Variants in TCERG1L observed in about 807,000 individuals in gnomAD.
TCERG1L encodes the protein transcription elongation regulator 1 like.
In TCERG1L, 37 loss-of-function variants were observed where a neutral mutation model predicts 56.3. The observed-to-expected ratio is 0.66, with a 90% CI of 0.51 to 0.87. TCERG1L has a LOEUF of 0.87. Among genes scored for constraint, TCERG1L ranks in the 40% least tolerant of loss-of-function variants. The probability of loss-of-function intolerance (pLI) is 0.00; values close to 1 mark genes in which losing one functional copy is unlikely to be tolerated. For synonymous variants in TCERG1L, 324 were observed against 326.3 expected, an observed-to-expected ratio of 0.99 and a Z score of 0.08; for missense variants, 799 against 774.2, an observed-to-expected ratio of 1.03 and a Z score of -0.38.
chr10:131,226,591 C>T (rs1027949735), intron 4 of TCERG1L, among the ~76,000 whole-genome samples: 1 of 152,202 alleles, frequency 6.6e-6, no homozygotes, highest in Non-Finnish European at 1.5e-5. Context: ...GCAGCACAGT[C>T]TTAATAAGCC....
At chr10:131,146,238 T>G (rs1845792747) in intron 7 of TCERG1L, among the ~76,000 whole-genome samples, 1 of 152,164 alleles carries the variant, frequency 6.6e-6, no homozygotes, top group Non-Finnish European at 1.5e-5. Flanking sequence ...ATGGAAGCTT[T>G]GAGGGGCGGA....
intron 4 of TCERG1L, among the ~76,000 whole-genome samples, chr10:131,211,163 C>A (rs549243011): frequency 6.6e-6 from 1 of 152,180 alleles, no homozygotes; most frequent in African/African-American, 2.4e-5. Flanking sequence ...ACGGTCAGGG[C>A]CGTATGGCTC....
intron 3 of TCERG1L, among the ~76,000 whole-genome samples, chr10:131,305,972 T>C (rs1369193461): frequency 2.0e-5 from 3 of 152,172 alleles, no homozygotes; most frequent in Admixed American, 1.3e-4. Context: ...TAATAGGATA[T>C]GAAAACTTAA....
chr10:131,200,691 C>A (rs1368298577), intron 4 of TCERG1L, among the ~76,000 whole-genome samples: 1 of 152,160 alleles, frequency 6.6e-6, no homozygotes, highest in Non-Finnish European at 1.5e-5. Flanking sequence ...GATGCTAGAA[C>A]AAGTTAAAAC....
chr10:131,227,555 G>C (rs1396922588), intron 4 of TCERG1L, among the ~76,000 whole-genome samples: 1 of 152,212 alleles, frequency 6.6e-6, no homozygotes, highest in Admixed American at 6.5e-5. Context: ...GTCCCACTCA[G>C]ATCCCGGAAA....
At chr10:131,129,146 G>A (rs555492790) in intron 8 of TCERG1L, among the ~76,000 whole-genome samples, 1 of 152,050 alleles carries the variant, frequency 6.6e-6, no homozygotes, top group East Asian at 1.9e-4. Flanking sequence ...GCTTAGGAGA[G>A]AGAAGCAGAG....
chr10:131,296,134 A>G (rs1846687432), intron 3 of TCERG1L, among the ~76,000 whole-genome samples: 1 of 152,178 alleles, frequency 6.6e-6, no homozygotes, highest in South Asian at 2.1e-4. Context: ...CAAGTCATCA[A>G]TGCATTTTCT....
rs757831644 is a variant in TCERG1L, at chr10:131,093,321, G to A, written c.1605-3C>T. The stretch of plus-strand genomic sequence containing the variant: ...CTGCAAACTCCTTAAACGTGGTCCT[G>A]AAAAAGAAAGAGTTTCCTGAGACAC... On this transcript the variant is annotated splice_polypyrimidine_tract_variant and splice_region_variant and intron_variant, in intron 11 of 11. Coordinates refer to ENST00000368642, the MANE Select transcript of TCERG1L (RefSeq NM_174937.4). The A allele has an allele frequency of 6.2e-7, 1 of 1,611,008 alleles. No individual in the cohort carries two copies. Among genetic ancestry groups the A allele is most frequent in the East Asian group, 2.2e-5 (1 of 44,872 alleles).
chr10:131,231,712 C>T (rs541223042), intron 4 of TCERG1L, among the ~76,000 whole-genome samples: 4 of 152,258 alleles, frequency 2.6e-5, no homozygotes, highest in African/African-American at 9.6e-5. Flanking sequence ...CCAATGAGGC[C>T]GGCACGTGGG....
At chr10:131,265,070 A>AT (rs751581529) in intron 3 of TCERG1L, among the ~76,000 whole-genome samples, 25 of 151,906 alleles carry the variant, frequency 1.6e-4, no homozygotes, top group South Asian at 2.1e-4. Flanking sequence ...CACCGAGTCC[A>AT]TTTTTTTTAA....
At chr10:131,102,372 G>C (rs1294328937) in intron 10 of TCERG1L, among the ~76,000 whole-genome samples, 1 of 152,182 alleles carries the variant, frequency 6.6e-6, no homozygotes, top group African/African-American at 2.4e-5. Flanking sequence ...CTGGGAACGG[G>C]AGTGAGGACA....
intron 8 of TCERG1L, among the ~76,000 whole-genome samples, chr10:131,132,264 C>T (rs1472370701): frequency 6.6e-6 from 1 of 152,178 alleles, no homozygotes; most frequent in Non-Finnish European, 1.5e-5. Flanking sequence ...CCCCAGCCTC[C>T]CCGAGAGTCT....
intron 3 of TCERG1L, among the ~76,000 whole-genome samples, chr10:131,283,951 T>C (rs1453960322): frequency 3.3e-5 from 5 of 151,900 alleles, no homozygotes; most frequent in African/African-American, 7.2e-5. Context: ...TGTGAAACCC[T>C]GTCTCTACTA....
chr10:131,190,885 A>C (rs1845294624), intron 4 of TCERG1L, among the ~76,000 whole-genome samples: 1 of 143,976 alleles, frequency 6.9e-6, no homozygotes, highest in Non-Finnish European at 1.5e-5. Flanking sequence ...AAACCCGAGA[A>C]AGAAATAAAA....
intron 6 of TCERG1L, among the ~76,000 whole-genome samples, chr10:131,153,194 G>A (rs1215597246): frequency 6.6e-6 from 1 of 152,128 alleles, no homozygotes; most frequent in Non-Finnish European, 1.5e-5. Flanking sequence ...TGAGGACGCT[G>A]GGTGCATGGC....
intron 4 of TCERG1L, among the ~76,000 whole-genome samples, chr10:131,252,736 A>G (rs1017305217): frequency 2.0e-5 from 3 of 152,090 alleles, no homozygotes; most frequent in African/African-American, 7.2e-5. Flanking sequence ...TGTTATCACA[A>G]ATTAAATAAA....
At chr10:131,269,745 T>G (rs915801394) in intron 3 of TCERG1L, among the ~76,000 whole-genome samples, 1 of 152,176 alleles carries the variant, frequency 6.6e-6, no homozygotes, top group African/African-American at 2.4e-5. Flanking sequence ...GTTCCCAGAA[T>G]GTAACAGAGA....
At chr10:131,310,955 C>T (rs975510934) in intron 1 of TCERG1L, among the ~76,000 whole-genome samples, 3 of 152,264 alleles carry the variant, frequency 2.0e-5, no homozygotes, top group Admixed American at 6.5e-5. Context: ...CGGCCCGCGG[C>T]GGTCACGGAG....
At position 131,118,256 on chromosome 10, in the gene TCERG1L, C is replaced by T. The variant is rs1000743173; in HGVS notation, c.1260-1322G>A. ...ACATTCTGGGAGCTCCCTAAGTGCT[C>T]GGAGATGTAGGAATGGCATGTACAT... is the stretch of plus-strand genomic sequence containing the variant. On this transcript the variant is annotated intron_variant, in intron 8 of 11. Transcript: ENST00000368642. The surrounding 1 kb of genome is among the most constrained non-coding windows in gnomAD (Gnocchi z 4.2). Among the ~76,000 whole-genome samples, 1 of 152,168 alleles carries T rather than the reference C, an allele frequency of 6.6e-6. No homozygotes were observed. Among genetic ancestry groups the T allele is most frequent in the Admixed American group, 6.5e-5 (1 of 15,288 alleles).
Sources: allele counts gnomAD v4.1 joint callset (sites outside exome capture counted in the v4.1 genomes callset), GRCh38; gene constraint gnomAD v4.1.1; non-coding constraint Gnocchi (gnomAD v3.1); transcripts MANE v1.5; gene names NCBI Gene and HGNC (gene_info 2026-07-23, HGNC 2026-07-21).